Variants in WWC2 observed in about 807,000 individuals in gnomAD.
The protein encoded by WWC2 is WW and C2 domain containing 2.
In WWC2, 101 loss-of-function variants were observed where a neutral mutation model predicts 138.5. The ratio of observed to expected loss-of-function variants is 0.73; its 90% CI spans 0.62 to 0.86. The LOEUF is 0.86. WWC2 is among the 40% of genes least tolerant of loss of function. WWC2 has a pLI of 0.00. For missense variants in WWC2, 1,420 were observed against 1,419.4 expected (o/e 1.00, Z -0.01); for synonymous variants, 558 against 538.4 (o/e 1.04, Z -0.50).
chr4:183,296,598 C>T (rs1738635699), intron 21 of WWC2, among the ~76,000 whole-genome samples: 3 of 152,012 alleles, frequency 2.0e-5, no homozygotes, highest in African/African-American at 7.3e-5. Flanking sequence ...AAGTTTCTGA[C>T]GATGATTAGA....
At chr4:183,218,494 T>G (rs1735821169) in intron 4 of WWC2, among the ~76,000 whole-genome samples, 1 of 152,208 alleles carries the variant, frequency 6.6e-6, no homozygotes. Context: ...TTGATATATA[T>G]CTATATAGAT....
Position 183,208,060 on chromosome 4 carries a change from C to T in WWC2, c.349C>T (p.Leu117=), listed in dbSNP as rs770553975. 5.6e-6 allele frequency: 9 copies of T among 1,613,808 alleles called. No individual in the cohort carries two copies. Among genetic ancestry groups the T allele is most frequent in the Non-Finnish European group, 7.6e-6 (9 of 1,179,858 alleles). Residue 117 remains leucine (L), a synonymous_variant, in exon 3 of 23, where the codon CTG becomes TTG. Coordinates refer to ENST00000403733, the MANE Select transcript of WWC2 (RefSeq NM_024949.6). ...AQDALRTQKE[L]YHVKEQRLAL... ...GGATGCCCTCCGGACACAGAAGGAA[C>T]TGTACCATGTGAAGGAGCAGAGGCT... is the stretch of plus-strand genomic sequence containing the variant.
At chr4:183,197,147 T>A (rs948404826) in intron 2 of WWC2, among the ~76,000 whole-genome samples, 16 of 152,188 alleles carry the variant, frequency 1.1e-4, no homozygotes, top group African/African-American at 3.9e-4. Flanking sequence ...AAGTATAAAT[T>A]ATGTGTCAAA....
chr4:183,113,718 G>T (rs547921052), intron 1 of WWC2, among the ~76,000 whole-genome samples: 1 of 150,940 alleles, frequency 6.6e-6, no homozygotes, highest in Admixed American at 6.6e-5. Context: ...TCTTTTTAAA[G>T]ATCTTATTTT....
chr4:183,280,243 T>TTTTTTTTTTTTTG (rs1738023517), intron 16 of WWC2, among the ~76,000 whole-genome samples: 1 of 148,240 alleles, frequency 6.7e-6, no homozygotes, highest in African/African-American at 2.5e-5. Context: ...TTTTTTTTTT[T>TTTTTTTTTTTTTG]TTTTTTTTTT....
At chr4:183,271,353 C>T (rs112078683) in intron 16 of WWC2, 112 bp downstream of exon 16, 1 of 809,620 alleles carries the variant, frequency 1.2e-6, no homozygotes, top group Non-Finnish European at 1.7e-6. Context: ...GCTTTTATCA[C>T]TTTCACTGTC....
intron 17 of WWC2, chr4:183,281,516 T>C (rs146585151): frequency 6.6e-6 from 1 of 152,240 alleles, no homozygotes; most frequent in Admixed American, 6.5e-5. Flanking sequence ...TAAGTATATA[T>C]GTGAAATCAT....
At chr4:183,268,946 T>A (rs769479812) in intron 14 of WWC2, 25 bp from the exon 15 acceptor site, 9 of 1,587,384 alleles carry the variant, frequency 5.7e-6, no homozygotes, top group Admixed American at 3.6e-5. Flanking sequence ...ACCTATGAAA[T>A]CCATTTTATT....
chr4:183,171,605 A>C (rs554972214), intron 1 of WWC2, among the ~76,000 whole-genome samples: 1 of 152,178 alleles, frequency 6.6e-6, no homozygotes, highest in East Asian at 1.9e-4. Flanking sequence ...GGGAGATTTT[A>C]AAACTTTACG....
chr4:183,197,563 T>C (rs1196408745), intron 2 of WWC2, among the ~76,000 whole-genome samples: 1 of 152,222 alleles, frequency 6.6e-6, no homozygotes, highest in African/African-American at 2.4e-5. Flanking sequence ...ATCAGTGTTG[T>C]ATGATCATAT....
intron 1 of WWC2, among the ~76,000 whole-genome samples, chr4:183,118,364 T>G (rs1289815507): frequency 6.6e-6 from 1 of 152,230 alleles, no homozygotes; most frequent in African/African-American, 2.4e-5. Flanking sequence ...TTTTCATTTG[T>G]ACATTCCTTA....
At position 183,280,800 on chromosome 4, in the gene WWC2, A is replaced by G; in HGVS notation, c.2587A>G (p.Arg863Gly). Residue 863 changes from arginine (R) to glycine (G), a missense_variant, in exon 17 of 23, where the codon AGA becomes GGA. Physicochemically the swap from Arg to Gly is moderately radical, Grantham distance 125. Transcript: ENST00000403733. The part of the protein sequence containing the change: ...DLDAVSALLA[R>G]TSAELLAVEQ... ...GGATGCAGTGTCAGCCTTACTTGCAAGAACATCAGCTGAGTTGTTAGCTGT... is the reference window on the plus strand; with the variant it reads ...GGATGCAGTGTCAGCCTTACTTGCAGGAACATCAGCTGAGTTGTTAGCTGT... 1.2e-6 allele frequency: 2 copies of G among 1,604,922 alleles called. No individual in the cohort carries two copies. Among genetic ancestry groups the G allele is most frequent in the Non-Finnish European group, 1.7e-6 (2 of 1,175,654 alleles).
At chr4:183,104,800 A>G (rs1053023405) in intron 1 of WWC2, among the ~76,000 whole-genome samples, 1 of 152,244 alleles carries the variant, frequency 6.6e-6, no homozygotes, top group Non-Finnish European at 1.5e-5. Context: ...GTTGCTTAGT[A>G]TATTGGAGGG....
chr4:183,120,062 G>A lies in WWC2; in HGVS notation c.131+20440G>A, dbSNP rs142669722. On this transcript the variant is annotated intron_variant, in intron 1 of 22. Coordinates refer to ENST00000403733, the MANE Select transcript of WWC2 (RefSeq NM_024949.6). ...AGACATCAGAAGGGATATCCTAGCC[G>A]TAGAGATGAAAAATTACCTTTACAA... Among the ~76,000 whole-genome samples the A allele has an allele frequency of 3.7e-3, 567 of 152,190 alleles. 6 individuals carry two copies. The highest frequency in any genetic ancestry group is 0.013 in the African/African-American group (529 of 41,488).
At chr4:183,190,041 T>C (rs1734948489) in intron 1 of WWC2, among the ~76,000 whole-genome samples, 1 of 152,222 alleles carries the variant, frequency 6.6e-6, no homozygotes. Context: ...AGTGCTGCAG[T>C]AAATTACCGT....
rs553536775 is a variant in WWC2, at chr4:183,295,896, A to G, written c.3384+6261A>G. 1.1e-4 allele frequency among the ~76,000 whole-genome samples: 17 copies of G among 152,362 alleles called. No homozygotes were observed. In the South Asian group the frequency reaches 3.5e-3, roughly 32 times the overall value. ...TAGGAATGTGAGGCATGTTTCTCAG[A>G]CATAGTGTAAGGTTGAACTAAATTG... On this transcript the variant is annotated intron_variant, in intron 21 of 22. Coordinates refer to ENST00000403733, the MANE Select transcript of WWC2 (RefSeq NM_024949.6).
chr4:183,312,916 G>A lies in WWC2; in HGVS notation c.3512+448G>A, dbSNP rs116941154. ...GCTCTAGGCTGTGGCAGGGATAGGC[G>A]GGTAACCAGGTCATTGCAGTGCATG... On this transcript the variant is annotated intron_variant, in intron 22 of 22. Coordinates refer to ENST00000403733, the MANE Select transcript of WWC2 (RefSeq NM_024949.6). Among the ~76,000 whole-genome samples the A allele has an allele frequency of 1.5e-4, 23 of 152,272 alleles. No individual in the cohort carries two copies. The East Asian group carries it at 4.2e-3, about 28-fold the overall frequency.
At chr4:183,298,300 A>G (rs1021442397) in intron 21 of WWC2, among the ~76,000 whole-genome samples, 3 of 152,196 alleles carry the variant, frequency 2.0e-5, no homozygotes, top group Non-Finnish European at 2.9e-5. Flanking sequence ...AGTTCAGTAT[A>G]AAACTCCTTT....
chr4:183,194,664 T>C (rs539492475), intron 2 of WWC2, among the ~76,000 whole-genome samples: 1 of 152,248 alleles, frequency 6.6e-6, no homozygotes, highest in Admixed American at 6.5e-5. Context: ...CTTGTGTAGG[T>C]AGATGATGTA....
Sources: gnomAD v4.1 joint callset for allele counts (sites outside exome capture counted in the v4.1 genomes callset) on GRCh38, gnomAD v4.1.1 for gene constraint, MANE v1.5 for transcripts, NCBI Gene and HGNC (gene_info 2026-07-23, HGNC 2026-07-21) for gene names.